Variants in LHFPL3 observed in about 807,000 individuals in gnomAD.
LHFPL3 encodes the protein LHFPL tetraspan subfamily member 3 protein.
Under a neutral mutation model 19.3 loss-of-function variants are expected in LHFPL3, and 5 were observed. The ratio of observed to expected loss-of-function variants is 0.26; its 90% confidence interval spans 0.14 to 0.54. LHFPL3 has a LOEUF of 0.54. Ranked by LOEUF, LHFPL3 falls within the 20% of genes least tolerant of loss-of-function variation. LHFPL3 has a pLI of 0.94. For missense variants in LHFPL3, 249 were observed against 307.4 expected (o/e 0.81, Z 1.42); for synonymous variants, 133 against 126.2 (o/e 1.05, Z -0.36).
chr7:104,592,426 C>CTCCAGAACAGCAAATAT, intron 1 of LHFPL3, among the ~76,000 whole-genome samples: 1 of 140,964 alleles, frequency 7.1e-6, no homozygotes, highest in Admixed American at 7.2e-5. Context: ...CCAGCGGAGG[C>CTCCAGAACAGCAAATAT]TGCAGAACAG....
chr7:104,669,259 A>G (rs1237279128), intron 1 of LHFPL3: 1 of 1,613,856 alleles, frequency 6.2e-7, no homozygotes, highest in African/African-American at 1.3e-5. Flanking sequence ...ATCCCCTACA[A>G]GTGGTGGGGG....
At chr7:104,426,100 A>G (rs539479140) in intron 1 of LHFPL3, among the ~76,000 whole-genome samples, 1 of 152,300 alleles carries the variant, frequency 6.6e-6, no homozygotes, top group East Asian at 1.9e-4. Context: ...GTGGGACATG[A>G]CATTTTCTAC....
rs573851852 is a variant in LHFPL3 at position 104,359,231 on chromosome 7, G to A, written c.445+30007G>A. On this transcript the variant is annotated intron_variant, in intron 1 of 2. Transcript: ENST00000424859. ...GGGAATATTTTCAGCTCTTTTAGAA[G>A]CAACATTAAATATTTTGAAGCCACT... is the stretch of plus-strand genomic sequence containing the variant. 5.9e-5 allele frequency among the ~76,000 whole-genome samples: 9 copies of A among 152,178 alleles called. No homozygotes were observed. In the South Asian group the frequency reaches 1.0e-3, roughly 17 times the overall value.
intron 1 of LHFPL3, among the ~76,000 whole-genome samples, chr7:104,553,259 T>C (rs546787759): frequency 2.6e-5 from 4 of 152,184 alleles, no homozygotes; most frequent in Non-Finnish European, 4.4e-5. Flanking sequence ...ACCCTTTGAA[T>C]TGAAGCCAGG....
intron 2 of LHFPL3, among the ~76,000 whole-genome samples, chr7:104,743,533 T>A (rs1484290384): frequency 6.6e-6 from 1 of 152,208 alleles, no homozygotes; most frequent in East Asian, 1.9e-4. Flanking sequence ...CCTACATAGA[T>A]TTGAGAGAGT....
intron 2 of LHFPL3, chr7:104,895,403 C>T (rs755873423): frequency 2.0e-5 from 3 of 152,204 alleles, no homozygotes; most frequent in Non-Finnish European, 2.9e-5. Context: ...AGCTTTCCTA[C>T]TTCACAACAG....
chr7:104,348,477 A>T (rs1379002248), intron 1 of LHFPL3, among the ~76,000 whole-genome samples: 1 of 152,274 alleles, frequency 6.6e-6, no homozygotes, highest in East Asian at 1.9e-4. Context: ...GTGTATATAA[A>T]TATGGAATGA....
intron 1 of LHFPL3, among the ~76,000 whole-genome samples, chr7:104,559,850 G>A (rs1322756679): frequency 1.4e-5 from 2 of 144,538 alleles, no homozygotes; most frequent in South Asian, 2.1e-4. Context: ...TTTGAAATAC[G>A]TCCCATCAAT....
chr7:104,526,020 A>C (rs543431186), intron 1 of LHFPL3, among the ~76,000 whole-genome samples: 1 of 152,166 alleles, frequency 6.6e-6, no homozygotes, highest in South Asian at 2.1e-4. Context: ...CTCCTTCTCT[A>C]CTTGGCAGCC....
intron 2 of LHFPL3, among the ~76,000 whole-genome samples, chr7:104,826,126 G>A (rs562697993): frequency 9.2e-5 from 14 of 152,036 alleles, no homozygotes; most frequent in African/African-American, 3.4e-4. Flanking sequence ...CATTCTTAAA[G>A]CTATTTGAGG....
intron 1 of LHFPL3, among the ~76,000 whole-genome samples, chr7:104,480,452 C>T (rs948072913): frequency 6.6e-6 from 1 of 151,998 alleles, no homozygotes; most frequent in African/African-American, 2.4e-5. Context: ...AGAGAAAATT[C>T]CCTGTATTTG....
chr7:104,587,515 A>T (rs1790605826), intron 1 of LHFPL3, among the ~76,000 whole-genome samples: 1 of 152,186 alleles, frequency 6.6e-6, no homozygotes, highest in South Asian at 2.1e-4. Flanking sequence ...AATCCAGTCT[A>T]TCATTGTTGG....
At chr7:104,861,314 C>A (rs183231427) in intron 2 of LHFPL3, among the ~76,000 whole-genome samples, 1 of 152,236 alleles carries the variant, frequency 6.6e-6, no homozygotes, top group East Asian at 1.9e-4. Flanking sequence ...GTGTATATGA[C>A]CTTGGGAAGT....
intron 2 of LHFPL3, among the ~76,000 whole-genome samples, chr7:104,904,506 C>A (rs1477007021): frequency 6.6e-6 from 1 of 152,142 alleles, no homozygotes; most frequent in Non-Finnish European, 1.5e-5. Flanking sequence ...CAAAAATCAG[C>A]CAGGTGTGGT....
At chr7:104,416,732 G>A (rs968749451) in intron 1 of LHFPL3, among the ~76,000 whole-genome samples, 6 of 152,206 alleles carry the variant, frequency 3.9e-5, no homozygotes, top group Non-Finnish European at 5.9e-5. Context: ...ATTAAAGTAC[G>A]TATCTTAGTC....
At chr7:104,329,870 T>G (rs1801537190) in intron 1 of LHFPL3, among the ~76,000 whole-genome samples, 1 of 152,224 alleles carries the variant, frequency 6.6e-6, no homozygotes, top group Non-Finnish European at 1.5e-5. Context: ...ATGTCAAGTC[T>G]TCAGTTTGCC....
intron 1 of LHFPL3, among the ~76,000 whole-genome samples, chr7:104,730,133 C>G (rs1343802968): frequency 6.6e-6 from 1 of 152,164 alleles, no homozygotes; most frequent in Admixed American, 6.6e-5. Context: ...TTTTCTTAAT[C>G]TAGTCTATCA....
At chr7:104,654,966 A>C (rs1792096696) in intron 1 of LHFPL3, among the ~76,000 whole-genome samples, 1 of 152,004 alleles carries the variant, frequency 6.6e-6, no homozygotes, top group Admixed American at 6.6e-5. Flanking sequence ...ACTTCTGATC[A>C]TTCACACCTG....
intron 1 of LHFPL3, among the ~76,000 whole-genome samples, chr7:104,380,383 G>A (rs1406246828): frequency 1.3e-5 from 2 of 152,068 alleles, no homozygotes; most frequent in African/African-American, 2.4e-5. Context: ...CATGGTAACT[G>A]GTATTTCTGC....
Sources: allele counts gnomAD v4.1 joint callset (sites outside exome capture counted in the v4.1 genomes callset), GRCh38; gene constraint gnomAD v4.1.1; transcripts MANE v1.5; gene names NCBI Gene and HGNC (gene_info 2026-07-23, HGNC 2026-07-21).